SYCP1: variants seen among roughly 807,000 people sequenced by gnomAD.
The protein encoded by SYCP1 is cancer/testis antigen 8.
Under a neutral mutation model 153.1 loss-of-function variants are expected in SYCP1, and 64 were observed. The observed-to-expected ratio is 0.42, with a 90% CI of 0.34 to 0.51. The LOEUF is 0.51. Ranked by LOEUF, SYCP1 falls within the 20% of genes least tolerant of loss-of-function variation. The pLI is 0.06. For synonymous variants in SYCP1, 384 were observed against 341.8 expected, an observed-to-expected ratio of 1.12 and a Z score of -1.36; for missense variants, 997 against 1,049.0, an observed-to-expected ratio of 0.95 and a Z score of 0.68.
At position 114,926,535 on chromosome 1, in the gene SYCP1, G is replaced by A. The variant is rs775887807; in HGVS notation, c.1898G>A (p.Ser633Asn). Residue 633 changes from serine to asparagine, a missense_variant, in exon 23 of 32, where the codon AGC (serine) becomes AAC (asparagine). Physicochemically the swap from Ser to Asn is conservative, Grantham distance 46 (BLOSUM62 1). Coordinates refer to ENST00000369522, the MANE Select transcript of SYCP1 (RefSeq NM_003176.4). ...KALKKKGTAE[S>N]KQLNVYEIKV... ...TTGAAAAAAAAAGGTACAGCAGAAA[G>A]CAAGCAACTGAATGTTTATGAGATA... The A allele has an allele frequency of 2.9e-5, 46 of 1,593,226 alleles. No individual in the cohort carries two copies. The Admixed American group carries it at 3.9e-4, about 14-fold the overall frequency.
At chr1:114,907,686 G>A (rs1028332530) in intron 16 of SYCP1, among the ~76,000 whole-genome samples, 7 of 150,576 alleles carry the variant, frequency 4.6e-5, no homozygotes, top group African/African-American at 1.5e-4. Context: ...GGTTCATGCC[G>A]TTCTCCTGCC....
At chr1:114,899,346 A>G (rs1445761027) in intron 16 of SYCP1, among the ~76,000 whole-genome samples, 1 of 152,234 alleles carries the variant, frequency 6.6e-6, no homozygotes, top group African/African-American at 2.4e-5. Flanking sequence ...AAGGATCAGC[A>G]ATATTCCAAG....
intron 12 of SYCP1, among the ~76,000 whole-genome samples, chr1:114,880,427 T>C (rs1368961428): frequency 6.6e-6 from 1 of 152,236 alleles, no homozygotes; most frequent in East Asian, 1.9e-4. Flanking sequence ...TTAAATCCTG[T>C]GCATTGTAAT....
At chr1:114,966,936 C>T (rs373803879) in intron 27 of SYCP1, among the ~76,000 whole-genome samples, 44 of 152,234 alleles carry the variant, frequency 2.9e-4, no homozygotes, top group East Asian at 9.7e-4. Flanking sequence ...TGGCCTTCCT[C>T]GGCCTCCCAA....
chr1:114,898,304 TGG>T (rs1667193288), intron 16 of SYCP1, among the ~76,000 whole-genome samples: 1 of 152,204 alleles, frequency 6.6e-6, no homozygotes, highest in Non-Finnish European at 1.5e-5. Context: ...CCCAGATAAC[TGG>T]TGGCTATCAT....
Position 114,907,431 on chromosome 1 carries a change from A to AT in SYCP1, c.1321-2960dup, listed in dbSNP as rs1026046777. On this transcript the variant is annotated intron_variant, in intron 16 of 31. Transcript: ENST00000369522. The stretch of plus-strand genomic sequence containing the variant: ...CTGCCTTCTTTTGGGTTATTTGAAT[A>AT]TTTTTTGGCATTCCGTTTTAATGTA... Among the ~76,000 whole-genome samples the AT allele has an allele frequency of 9.9e-5, 15 of 151,878 alleles. No homozygotes were observed. The East Asian group carries it at 2.9e-3, about 29-fold the overall frequency.
intron 8 of SYCP1, among the ~76,000 whole-genome samples, chr1:114,868,403 G>C (rs1037612198): frequency 6.6e-6 from 1 of 152,154 alleles, no homozygotes; most frequent in African/African-American, 2.4e-5. Context: ...AGTCTCCTGA[G>C]TAGCTGGAAT....
chr1:114,945,859 C>T (rs1341252116), intron 25 of SYCP1, among the ~76,000 whole-genome samples: 2 of 152,060 alleles, frequency 1.3e-5, no homozygotes, highest in Admixed American at 6.6e-5. Flanking sequence ...TATACATGTG[C>T]CATGTTGGTG....
chr1:114,909,885 G>T (rs1013073094), intron 16 of SYCP1, among the ~76,000 whole-genome samples: 4 of 151,974 alleles, frequency 2.6e-5, no homozygotes, highest in Non-Finnish European at 5.9e-5. Flanking sequence ...TTTTAGGTTC[G>T]CCCTACTTAA....
chr1:114,938,348 T>C (rs1260685336), intron 23 of SYCP1, among the ~76,000 whole-genome samples: 1 of 132,076 alleles, frequency 7.6e-6, no homozygotes, highest in East Asian at 2.2e-4. Context: ...AATTGAACAA[T>C]GAGAACACTT....
At chr1:114,907,130 T>G (rs539717725) in intron 16 of SYCP1, among the ~76,000 whole-genome samples, 1 of 152,168 alleles carries the variant, frequency 6.6e-6, no homozygotes, top group South Asian at 2.1e-4. Flanking sequence ...TTTAACATAT[T>G]ATTATAGCCA....
At chr1:114,882,379 A>G (rs1666012635) in intron 12 of SYCP1, among the ~76,000 whole-genome samples, 1 of 151,634 alleles carries the variant, frequency 6.6e-6, no homozygotes, top group African/African-American at 2.4e-5. Context: ...CTTCTCTTTT[A>G]TTTCTCACAC....
chr1:114,972,803 T>G (rs943705303), intron 27 of SYCP1, among the ~76,000 whole-genome samples: 3 of 152,296 alleles, frequency 2.0e-5, no homozygotes, highest in East Asian at 3.9e-4. Flanking sequence ...TAAGACTTGT[T>G]TTGTGGCTAG....
intron 16 of SYCP1, among the ~76,000 whole-genome samples, chr1:114,902,877 CA>C (rs1344795354): frequency 6.6e-6 from 1 of 152,072 alleles, no homozygotes; most frequent in East Asian, 1.9e-4. Context: ...ACTCATTTAA[CA>C]AACATTTGTT....
intron 16 of SYCP1, among the ~76,000 whole-genome samples, chr1:114,908,911 T>G (rs1039731601): frequency 6.6e-6 from 1 of 152,202 alleles, no homozygotes; most frequent in Non-Finnish European, 1.5e-5. Context: ...TTGGATTATA[T>G]TCAGGACATT....
At chr1:114,969,978 C>G (rs1672375279) in intron 27 of SYCP1, among the ~76,000 whole-genome samples, 1 of 152,214 alleles carries the variant, frequency 6.6e-6, no homozygotes, top group African/African-American at 2.4e-5. Flanking sequence ...GCTGCACCCA[C>G]TGTCTAACCA....
At chr1:114,965,915 A>G (rs1468904040) in intron 27 of SYCP1, among the ~76,000 whole-genome samples, 1 of 152,150 alleles carries the variant, frequency 6.6e-6, no homozygotes, top group South Asian at 2.1e-4. Flanking sequence ...TTCAGAAGGA[A>G]TGGTACCGGC....
chr1:114,870,017 A>G (rs574201793), intron 8 of SYCP1, among the ~76,000 whole-genome samples: 1 of 151,998 alleles, frequency 6.6e-6, no homozygotes, highest in South Asian at 2.1e-4. Context: ...ATTTTTATTT[A>G]TTTATTTATT....
intron 30 of SYCP1, among the ~76,000 whole-genome samples, chr1:114,986,936 A>G (rs1323217909): frequency 6.6e-6 from 1 of 152,032 alleles, no homozygotes; most frequent in Non-Finnish European, 1.5e-5. Context: ...GTCCTGTGTC[A>G]GGAAGCCATG....
Sources: allele counts gnomAD v4.1 joint callset (sites outside exome capture counted in the v4.1 genomes callset), GRCh38; gene constraint gnomAD v4.1.1; transcripts MANE v1.5; gene names NCBI Gene and HGNC (gene_info 2026-07-23, HGNC 2026-07-21).